The following MTMR1 variants were observed in gnomAD, a reference collection of about 807,000 sequenced individuals.
MTMR1 encodes phosphatidylinositol-3-phosphate phosphatase MTMR1.
A neutral mutation model predicts 51.6 loss-of-function variants in MTMR1; 17 were observed. That is an observed-to-expected ratio of 0.33 (90% CI 0.23 to 0.49). MTMR1 has a LOEUF of 0.49. Ranked by LOEUF, MTMR1 falls within the 20% of genes least tolerant of loss-of-function variation. The probability of loss-of-function intolerance (pLI) is 0.99; values close to 1 mark genes in which losing one functional copy is unlikely to be tolerated. For missense variants in MTMR1, 386 were observed against 526.9 expected, an observed-to-expected ratio of 0.73 and a Z score of 2.62; for synonymous variants, 201 against 205.6, an observed-to-expected ratio of 0.98 and a Z score of 0.19.
chrX:150,712,990 CA>C (rs1160528124), intron 3 of MTMR1: 1 of 902,502 alleles, frequency 1.1e-6, no homozygotes, highest in Non-Finnish European at 1.4e-6. Context: ...ATGCATTTAA[CA>C]GACATTGAAA....
chrX:150,702,092 T>TC (rs1259877419), intron 2 of MTMR1, among the ~76,000 whole-genome samples: 2 of 107,681 alleles, frequency 1.9e-5, no homozygotes, highest in Non-Finnish European at 3.9e-5. Context: ...TTCTTTCTTT[T>TC]TTTTTTTTTT....
Position 150,762,487 on chromosome X carries a change from A to C in MTMR1, c.1858-78A>C. ...AGTCTGGATGGTGAAAAGCTCCTGA[A>C]GCCAACAGCATCTCCATGTGGAAAC... On this transcript the variant is annotated intron_variant, in intron 15 of 15. Transcript: ENST00000445323. 9 of 1,161,610 alleles carry C rather than the reference A, an allele frequency of 7.7e-6. No homozygotes were observed. The South Asian group carries it at 1.6e-4, about 21-fold the overall frequency.
rs2148694639 is a variant in MTMR1 at position 150,764,561 on chromosome X, GGAT to G, written c.*1837_*1839del. On this transcript the variant is annotated 3_prime_UTR_variant, in exon 16 of 16. Transcript: ENST00000445323. ...AGGACTGTTAAACATAGTGTGGACT[GGAT>G]GATGCCTTCGACAAACCAGAGAAGC... The G allele has an allele frequency of 9.0e-6, 1 of 111,366 alleles. No homozygotes were observed. The highest frequency in any genetic ancestry group is 3.3e-5 in the African/African-American group (1 of 30,549). 9.2% of individuals were successfully genotyped at this position (111,366 alleles called of 1,213,427 possible). A position where few individuals can be genotyped will look rare whatever the true frequency, so the allele number is the denominator to read the frequency against.
At chrX:150,706,189 C>T (rs782202503) in intron 2 of MTMR1, among the ~76,000 whole-genome samples, 1 of 111,031 alleles carries the variant, frequency 9.0e-6, no homozygotes, top group Non-Finnish European at 1.9e-5. Context: ...AGTCACCAGT[C>T]CCATCATGGA....
At chrX:150,740,394 T>C (rs2042391126) in intron 12 of MTMR1, among the ~76,000 whole-genome samples, 1 of 112,048 alleles carries the variant, frequency 8.9e-6, no homozygotes, top group African/African-American at 3.3e-5. Context: ...CTAGGTTTCT[T>C]TGACCTTTTG....
intron 4 of MTMR1, among the ~76,000 whole-genome samples, chrX:150,719,136 G>A (rs2041661063): frequency 8.9e-6 from 1 of 111,921 alleles, no homozygotes; most frequent in Non-Finnish European, 1.9e-5. Context: ...AAGGGCTTGT[G>A]TTGCCATCCT....
At chrX:150,712,618 C>T (rs2041351399) in intron 3 of MTMR1, 1 of 347,943 alleles carries the variant, frequency 2.9e-6, no homozygotes, top group East Asian at 4.9e-5. Context: ...GCAATACTGA[C>T]TTTTGTTGTA....
chrX:150,724,441 G>A lies in MTMR1; in HGVS notation c.353-2774G>A, dbSNP rs782644323. On this transcript the variant is annotated intron_variant, in intron 4 of 15. Transcript: ENST00000445323. ...TGCCCACTTTTTAATGGGGTTGTTT[G>A]TGTTTTTTCTTGTAAATTTGTTAAA... Among the ~76,000 whole-genome samples, 8 of 110,809 alleles carry A rather than the reference G, an allele frequency of 7.2e-5. No homozygotes were observed. In the South Asian group the frequency reaches 1.9e-3, roughly 26 times the overall value.
chrX:150,751,302 G>A, intron 14 of MTMR1: 1 of 614,879 alleles, frequency 1.6e-6, no homozygotes, highest in Non-Finnish European at 2.0e-6. Flanking sequence ...ACTTCTCAGA[G>A]TTACATCTCA....
At chrX:150,755,321 G>A (rs1557417713) in intron 14 of MTMR1, among the ~76,000 whole-genome samples, 1 of 112,134 alleles carries the variant, frequency 8.9e-6, no homozygotes, top group African/African-American at 3.2e-5. Context: ...TGGCCTTATA[G>A]GCTTGAGCTA....
chrX:150,734,948 A>T (rs2042221722), intron 10 of MTMR1, among the ~76,000 whole-genome samples: 1 of 112,429 alleles, frequency 8.9e-6, no homozygotes, highest in Non-Finnish European at 1.9e-5. Flanking sequence ...CAGATGTATT[A>T]ATTATGATGA....
rs2043194077 is a variant in MTMR1, at chrX:150,763,133, T to TGAA, written c.*406_*408dup. The TGAA allele has an allele frequency of 7.8e-6, 1 of 127,726 alleles. No homozygotes were observed. Among genetic ancestry groups the TGAA allele is most frequent in the African/African-American group, 3.2e-5 (1 of 31,534 alleles). 10.5% of individuals were successfully genotyped at this position (127,726 alleles called of 1,213,427 possible). On this transcript the variant is annotated 3_prime_UTR_variant, in exon 16 of 16. Transcript: ENST00000445323. ...GCCACAACTTGAAAACTGTCTTGAA[T>TGAA]GAAGTACTTGGGGAGAAGACAGGCC...
chrX:150,727,904 T>G, intron 6 of MTMR1, 113 bp downstream of exon 6: 1 of 420,255 alleles, frequency 2.4e-6, no homozygotes, highest in East Asian at 4.1e-5. Flanking sequence ...TGCTAGTAAC[T>G]CAAATGTTTT....
At position 150,760,257 on chromosome X, in the gene MTMR1, G is replaced by C. The variant is rs1557417957; in HGVS notation, c.1858-2308G>C. ...AGGCAGAGATCAGTGGCTGGTGTGG[G>C]TGTCCAGTGACAGGGCCTGAGGAGC... On this transcript the variant is annotated intron_variant, in intron 15 of 15. Transcript: ENST00000445323. 3.8e-5 allele frequency among the ~76,000 whole-genome samples: 4 copies of C among 106,082 alleles called. No individual in the cohort carries two copies. The East Asian group carries it at 1.1e-3, about 30-fold the overall frequency. The allele number at this position is 106,082 out of a possible 115,157, so 92.1% of individuals were successfully genotyped here.
intron 2 of MTMR1, among the ~76,000 whole-genome samples, chrX:150,702,537 G>A (rs1162622546): frequency 5.4e-5 from 6 of 111,877 alleles, no homozygotes; most frequent in Admixed American, 9.5e-5. Flanking sequence ...TTGTCAGTCA[G>A]CCCAGGGTCA....
chrX:150,734,742 A>C (rs1250774995), intron 10 of MTMR1, among the ~76,000 whole-genome samples: 1 of 112,527 alleles, frequency 8.9e-6, no homozygotes, highest in African/African-American at 3.2e-5. Context: ...TATATATAAG[A>C]TTATGTCATA....
At chrX:150,694,979 A>G (rs782757959) in intron 1 of MTMR1, among the ~76,000 whole-genome samples, 2 of 112,423 alleles carry the variant, frequency 1.8e-5, no homozygotes, top group South Asian at 7.3e-4. Flanking sequence ...TCACCCCCAA[A>G]TATGCCTCAT....
intron 15 of MTMR1, among the ~76,000 whole-genome samples, chrX:150,757,786 C>T (rs2042946723): frequency 3.6e-5 from 4 of 112,260 alleles, no homozygotes; most frequent in Admixed American, 1.9e-4. Flanking sequence ...CAGGGAGCTG[C>T]TGGGACTTGT....
chrX:150,698,674 GCGCGCGCACACACACA>G (rs1414171170), intron 1 of MTMR1, among the ~76,000 whole-genome samples: 34 of 61,221 alleles, frequency 5.6e-4, no homozygotes, highest in African/African-American at 2.1e-3. Flanking sequence ...CTGTCTACAC[GCGCGCGCACACACACA>G]CACACACACA....
Sources: allele counts gnomAD v4.1 joint callset (sites outside exome capture counted in the v4.1 genomes callset), GRCh38; gene constraint gnomAD v4.1.1; transcripts MANE v1.5; gene names NCBI Gene and HGNC (gene_info 2026-07-23, HGNC 2026-07-21).